WWOX: variants seen among roughly 807,000 people sequenced by gnomAD.
WWOX encodes the protein WW domain-containing oxidoreductase.
Under a neutral mutation model 46.2 loss-of-function variants are expected in WWOX, and 69 were observed. The observed-to-expected ratio is 1.49, with a 90% confidence interval of 1.23 to 1.82. The LOEUF is 1.82. Among genes scored for constraint, WWOX ranks in the 40% most tolerant of loss-of-function variants. The probability of loss-of-function intolerance (pLI) is 0.00; values close to 1 mark genes in which losing one functional copy is unlikely to be tolerated. For missense variants in WWOX, 919 were observed against 542.6 expected (o/e 1.69, Z -6.89); for synonymous variants, 359 against 202.6 (o/e 1.77, Z -6.56).
At chr16:78,872,590 G>T (rs1025109012) in intron 8 of WWOX, 2 of 151,952 alleles carry the variant, frequency 1.3e-5, no homozygotes, top group South Asian at 4.2e-4. Flanking sequence ...AATACCTTAG[G>T]GCACATGGTA....
At chr16:78,777,275 G>T (rs893289180) in intron 8 of WWOX, among the ~76,000 whole-genome samples, 2 of 152,016 alleles carry the variant, frequency 1.3e-5, no homozygotes, top group African/African-American at 4.8e-5. Context: ...AGGTGTCAAT[G>T]CCATCCAACA....
intron 5 of WWOX, chr16:78,237,240 A>T (rs1415464714): frequency 1.3e-5 from 2 of 152,186 alleles, no homozygotes; most frequent in Non-Finnish European, 2.9e-5. Flanking sequence ...GTGTAATGGA[A>T]ATGAGAAGTT....
intron 8 of WWOX, among the ~76,000 whole-genome samples, chr16:78,811,988 A>C (rs1400696624): frequency 6.6e-6 from 1 of 152,130 alleles, no homozygotes; most frequent in East Asian, 1.9e-4. Context: ...TACTTGATAA[A>C]CTATAGCTAT....
intron 8 of WWOX, among the ~76,000 whole-genome samples, chr16:78,854,871 C>T (rs574987004): frequency 2.2e-4 from 34 of 151,916 alleles, no homozygotes; most frequent in Admixed American, 4.6e-4. Flanking sequence ...CCTGAGCCAC[C>T]GCGCCAGCTC....
intron 8 of WWOX, among the ~76,000 whole-genome samples, chr16:79,022,145 C>T (rs772047454): frequency 1.3e-5 from 2 of 152,168 alleles, no homozygotes; most frequent in Non-Finnish European, 2.9e-5. Context: ...CAGAAAGCAC[C>T]AAGCAATTTG....
At chr16:78,949,102 C>G (rs551757123) in intron 8 of WWOX, among the ~76,000 whole-genome samples, 1 of 152,244 alleles carries the variant, frequency 6.6e-6, no homozygotes, top group Non-Finnish European at 1.5e-5. Flanking sequence ...AAAACGGGGA[C>G]CTCAGTTCTG....
chr16:79,189,808 A>G (rs375372307), intron 8 of WWOX, among the ~76,000 whole-genome samples: 1 of 146,894 alleles, frequency 6.8e-6, no homozygotes, highest in Non-Finnish European at 1.5e-5. Flanking sequence ...GAGGGGGGGG[A>G]TATTTATTTG....
chr16:78,945,028 A>G (rs1475860066), intron 8 of WWOX, among the ~76,000 whole-genome samples: 1 of 152,090 alleles, frequency 6.6e-6, no homozygotes, highest in African/African-American at 2.4e-5. Context: ...AAAATATAGA[A>G]CATTAGCTGG....
chr16:79,085,502 C>T (rs868240261), intron 8 of WWOX, among the ~76,000 whole-genome samples: 8 of 152,072 alleles, frequency 5.3e-5, no homozygotes, highest in South Asian at 2.1e-4. Flanking sequence ...CTCCTTTGCT[C>T]CTTCACCACC....
intron 8 of WWOX, among the ~76,000 whole-genome samples, chr16:79,110,305 C>T (rs1054660853): frequency 6.6e-6 from 1 of 152,146 alleles, no homozygotes; most frequent in Non-Finnish European, 1.5e-5. Context: ...CTCTTCTCCT[C>T]TTACCTTTTT....
chr16:78,690,622 C>G (rs1212193958), intron 8 of WWOX, among the ~76,000 whole-genome samples: 1 of 152,066 alleles, frequency 6.6e-6, no homozygotes, highest in Non-Finnish European at 1.5e-5. Context: ...ATAGGGCACA[C>G]ACATGAATAT....
chr16:78,764,814 G>C (rs539238910), intron 8 of WWOX, among the ~76,000 whole-genome samples: 7 of 151,830 alleles, frequency 4.6e-5, no homozygotes, highest in African/African-American at 1.7e-4. Context: ...ACCTAGGTCT[G>C]ATCTCATTTG....
chr16:78,428,440 C>G (rs1475099807), intron 7 of WWOX, among the ~76,000 whole-genome samples: 4 of 152,190 alleles, frequency 2.6e-5, no homozygotes, highest in African/African-American at 9.7e-5. Context: ...GCCCAGGAGA[C>G]AGTGAGGAAG....
At chr16:78,958,659 T>C (rs1353067697) in intron 8 of WWOX, among the ~76,000 whole-genome samples, 1 of 152,214 alleles carries the variant, frequency 6.6e-6, no homozygotes, top group East Asian at 1.9e-4. Context: ...AAGGTTTCTC[T>C]GGTTTTCTTT....
At chr16:78,812,158 A>C (rs566776927) in intron 8 of WWOX, among the ~76,000 whole-genome samples, 1 of 152,224 alleles carries the variant, frequency 6.6e-6, no homozygotes, top group Non-Finnish European at 1.5e-5. Context: ...ATGGCAATGC[A>C]TAGGAACTAG....
At chr16:78,333,567 A>T (rs893055313) in intron 5 of WWOX, among the ~76,000 whole-genome samples, 2 of 152,132 alleles carry the variant, frequency 1.3e-5, no homozygotes, top group Non-Finnish European at 2.9e-5. Context: ...ATATTTATAG[A>T]ATTCTGCTAA....
At chr16:78,603,613 G>T (rs543591368) in intron 8 of WWOX, among the ~76,000 whole-genome samples, 1 of 152,142 alleles carries the variant, frequency 6.6e-6, no homozygotes, top group African/African-American at 2.4e-5. Context: ...AGAATCGCTT[G>T]AACCCAGGAG....
intron 8 of WWOX, among the ~76,000 whole-genome samples, chr16:78,679,825 A>C (rs2047687912): frequency 6.6e-6 from 1 of 152,224 alleles, no homozygotes; most frequent in Non-Finnish European, 1.5e-5. Context: ...AGAGACACTC[A>C]GAGTCAACTG....
At chr16:78,401,537 A>G (rs1293931501) in intron 6 of WWOX, among the ~76,000 whole-genome samples, 2 of 152,086 alleles carry the variant, frequency 1.3e-5, no homozygotes, top group Non-Finnish European at 2.9e-5. Context: ...GGGAGTATAT[A>G]TGATTTAGGG....
Sources: gnomAD v4.1 joint callset for allele counts (sites outside exome capture counted in the v4.1 genomes callset) on GRCh38, gnomAD v4.1.1 for gene constraint, MANE v1.5 for transcripts, NCBI Gene and HGNC (gene_info 2026-07-23, HGNC 2026-07-21) for gene names.